Variants in MYT1L observed in about 807,000 individuals in gnomAD.
MYT1L encodes the protein myelin transcription factor 1-like protein.
In MYT1L, 12 loss-of-function variants were observed where a neutral mutation model predicts 126.7. That is an observed-to-expected ratio of 0.09 (90% CI 0.06 to 0.15). MYT1L has a LOEUF of 0.15. Among genes scored for constraint, MYT1L ranks in the 10% least tolerant of loss-of-function variants. The pLI is 1.00. For missense variants in MYT1L, 979 were observed against 1,585.2 expected (o/e 0.62, Z 6.49); for synonymous variants, 541 against 604.2 (o/e 0.90, Z 1.53).
chr2:2,305,809 G>A (rs1559618364), intron 1 of MYT1L: 2 of 152,196 alleles, frequency 1.3e-5, no homozygotes, highest in South Asian at 2.1e-4. Flanking sequence ...CAGATCTCAT[G>A]AGAACTCACT....
chr2:1,825,818 C>T (rs1255703899), intron 21 of MYT1L: 1 of 152,374 alleles, frequency 6.6e-6, no homozygotes, highest in East Asian at 1.9e-4. Context: ...GGGCAGAATG[C>T]TAAGGTGGCC....
chr2:2,312,536 G>A (rs1207661545), intron 1 of MYT1L, among the ~76,000 whole-genome samples: 11 of 152,040 alleles, frequency 7.2e-5, no homozygotes, highest in South Asian at 2.1e-4. Context: ...TTACTTGAAC[G>A]TGGGAGGAAG....
intron 19 of MYT1L, among the ~76,000 whole-genome samples, chr2:1,847,084 C>T (rs1281713296): frequency 6.6e-6 from 1 of 152,196 alleles, no homozygotes; most frequent in Non-Finnish European, 1.5e-5. Flanking sequence ...GTTTGACTGC[C>T]ATGCTGGAGG....
chr2:2,108,384 C>T (rs949844101), intron 3 of MYT1L, among the ~76,000 whole-genome samples: 15 of 152,224 alleles, frequency 9.9e-5, no homozygotes, highest in African/African-American at 3.6e-4. Context: ...CATGATTAAC[C>T]AAGGCCTAAC....
At chr2:1,792,551 C>T (rs1055856127) in intron 23 of MYT1L, 87 bp from the exon 24 acceptor site, 53 of 1,387,032 alleles carry the variant, frequency 3.8e-5, no homozygotes, top group South Asian at 4.3e-5. Flanking sequence ...CTACTGGGTG[C>T]GAAGAAGGGG....
intron 1 of MYT1L, among the ~76,000 whole-genome samples, chr2:2,318,671 A>G (rs2096110625): frequency 6.6e-6 from 1 of 152,252 alleles, no homozygotes; most frequent in Non-Finnish European, 1.5e-5. Context: ...GGAAAATTTC[A>G]CATGTTAATT....
At chr2:2,213,588 T>C (rs1156472443) in intron 2 of MYT1L, among the ~76,000 whole-genome samples, 1 of 152,170 alleles carries the variant, frequency 6.6e-6, no homozygotes, top group Non-Finnish European at 1.5e-5. Flanking sequence ...AAACCTTATA[T>C]TCACAGTGCC....
At chr2:1,869,803 G>A (rs896633126) in intron 18 of MYT1L, among the ~76,000 whole-genome samples, 1 of 152,186 alleles carries the variant, frequency 6.6e-6, no homozygotes, top group African/African-American at 2.4e-5. Context: ...CAAGTACTAA[G>A]TTCAGGTTTC....
chr2:2,324,003 T>C (rs1214236850), intron 1 of MYT1L: 2 of 152,270 alleles, frequency 1.3e-5, no homozygotes, highest in East Asian at 3.9e-4. Context: ...CTCTAAACAG[T>C]TAATTTCCAC....
At chr2:2,004,224 GGCGTTCTTTCCT>G (rs2062811399) in intron 4 of MYT1L, among the ~76,000 whole-genome samples, 5 of 76,022 alleles carry the variant, frequency 6.6e-5, no homozygotes, top group Admixed American at 1.3e-4. Flanking sequence ...CTTTCCTGCA[GGCGTTCTTTCCT>G]GCAGGCGTTC....
chr2:2,111,275 C>A (rs775811429), intron 3 of MYT1L, among the ~76,000 whole-genome samples: 2 of 152,178 alleles, frequency 1.3e-5, no homozygotes, highest in Non-Finnish European at 2.9e-5. Flanking sequence ...CAAAGATGTC[C>A]TTGGCATCCC....
chr2:1,831,414 C>T (rs1396725687), intron 21 of MYT1L, among the ~76,000 whole-genome samples: 8 of 152,222 alleles, frequency 5.3e-5, no homozygotes, highest in Admixed American at 3.3e-4. Context: ...ACATTTCTCT[C>T]TGCCTGTGAG....
intron 4 of MYT1L, among the ~76,000 whole-genome samples, chr2:2,026,696 C>T (rs905923785): frequency 6.6e-6 from 1 of 152,086 alleles, no homozygotes; most frequent in East Asian, 1.9e-4. Flanking sequence ...CTCCCCGAGG[C>T]CCGGGAGGTA....
chr2:1,953,567 G>A (rs368726254), intron 8 of MYT1L, among the ~76,000 whole-genome samples: 3 of 152,166 alleles, frequency 2.0e-5, no homozygotes, highest in Admixed American at 6.5e-5. Context: ...ACCACCTCGC[G>A]TTGCTCTTGA....
intron 3 of MYT1L, among the ~76,000 whole-genome samples, chr2:2,112,327 T>C (rs897429088): frequency 6.6e-6 from 1 of 152,214 alleles, no homozygotes; most frequent in Non-Finnish European, 1.5e-5. Flanking sequence ...TAAAAGTTTT[T>C]ATAAAAAGCA....
chr2:2,310,911 C>T (rs2095957454), intron 1 of MYT1L, among the ~76,000 whole-genome samples: 1 of 152,138 alleles, frequency 6.6e-6, no homozygotes, highest in Non-Finnish European at 1.5e-5. Flanking sequence ...AGAAAGAGGG[C>T]TCACAACAAC....
intron 3 of MYT1L, among the ~76,000 whole-genome samples, chr2:2,128,202 G>A (rs2081954344): frequency 6.6e-6 from 1 of 152,236 alleles, no homozygotes; most frequent in East Asian, 1.9e-4. Context: ...AGGCTGGAGT[G>A]CAGTAGTGTA....
chr2:1,865,121 G>A (rs1047935885), intron 18 of MYT1L, among the ~76,000 whole-genome samples: 1 of 152,180 alleles, frequency 6.6e-6, no homozygotes, highest in African/African-American at 2.4e-5. Flanking sequence ...CCAGGCTACC[G>A]CATCTGCCCC....
chr2:1,996,903 T>A (rs1196916920), intron 5 of MYT1L, among the ~76,000 whole-genome samples: 1 of 135,062 alleles, frequency 7.4e-6, no homozygotes, highest in East Asian at 2.3e-4. Flanking sequence ...TGGAACCGAG[T>A]GTAGACGGGC....
Sources: allele counts gnomAD v4.1 joint callset (sites outside exome capture counted in the v4.1 genomes callset), GRCh38; gene constraint gnomAD v4.1.1; transcripts MANE v1.5; gene names NCBI Gene and HGNC (gene_info 2026-07-23, HGNC 2026-07-21).